The following TNRC6A variants were observed in gnomAD, a reference collection of about 807,000 sequenced individuals.
The protein encoded by TNRC6A is trinucleotide repeat containing adaptor 6A.
In TNRC6A, 44 loss-of-function variants were observed where a neutral mutation model predicts 221.2. That is an observed-to-expected ratio of 0.20 (90% confidence interval 0.16 to 0.26). The LOEUF is 0.26. TNRC6A is among the 10% of genes least tolerant of loss of function. TNRC6A has a pLI of 1.00. For synonymous variants in TNRC6A, 847 were observed against 838.5 expected, an observed-to-expected ratio of 1.01 and a Z score of -0.18; for missense variants, 2,199 against 2,404.4, an observed-to-expected ratio of 0.91 and a Z score of 1.79.
intron 1 of TNRC6A, among the ~76,000 whole-genome samples, chr16:24,635,471 C>T (rs1290639184): frequency 6.6e-6 from 1 of 151,944 alleles, no homozygotes; most frequent in Non-Finnish European, 1.5e-5. Context: ...TTAGTACAGA[C>T]AGGGTTTCAC....
intron 2 of TNRC6A, among the ~76,000 whole-genome samples, chr16:24,747,514 T>C (rs539856052): frequency 6.6e-6 from 1 of 152,322 alleles, no homozygotes; most frequent in East Asian, 1.9e-4. Flanking sequence ...ACTTAGGCCT[T>C]TCAAATCCAT....
chr16:24,707,821 G>A (rs1177453064), intron 2 of TNRC6A, among the ~76,000 whole-genome samples: 2 of 152,208 alleles, frequency 1.3e-5, no homozygotes, highest in Non-Finnish European at 2.9e-5. Context: ...CACTCTGGGA[G>A]GCCAAGGTGG....
chr16:24,659,378 G>T (rs763721031), intron 2 of TNRC6A, among the ~76,000 whole-genome samples: 1 of 151,960 alleles, frequency 6.6e-6, no homozygotes, highest in Non-Finnish European at 1.5e-5. Context: ...TCTTTGATCT[G>T]TCTGTCTCTG....
rs114570256 is a variant in TNRC6A, at chr16:24,711,831, C to T, written n.403-38895C>T. 4.1e-3 allele frequency among the ~76,000 whole-genome samples: 620 copies of T among 151,576 alleles called. 6 individuals are homozygous for T. Among genetic ancestry groups the T allele is most frequent in the African/African-American group, 0.014 (589 of 41,352 alleles). ...ATACTTTTTATTTATTTTATTTTAT[C>T]ATTTTTAAAAATAGAGATGGAATCA... On this transcript the variant is annotated intron_variant and non_coding_transcript_variant, in intron 2 of 2. Coordinates refer to the TNRC6A transcript ENST00000566108.
chr16:24,763,284 C>G (rs887401624), intron 4 of TNRC6A, among the ~76,000 whole-genome samples: 16 of 152,166 alleles, frequency 1.1e-4, no homozygotes, highest in African/African-American at 3.6e-4. Flanking sequence ...AAAAAAGAAC[C>G]CTTCATTTCA....
chr16:24,697,165 C>T (rs747350458), intron 2 of TNRC6A, among the ~76,000 whole-genome samples: 3 of 152,152 alleles, frequency 2.0e-5, no homozygotes, highest in Non-Finnish European at 4.4e-5. Context: ...ATTGTATACA[C>T]ATATTGAAAT....
intron 2 of TNRC6A, among the ~76,000 whole-genome samples, chr16:24,747,917 A>C (rs1478412949): frequency 6.6e-6 from 1 of 152,222 alleles, no homozygotes; most frequent in Admixed American, 6.5e-5. Flanking sequence ...CATTACATGG[A>C]GTAAAATTAT....
Position 24,790,989 on chromosome 16 carries a change from T to TGGG in TNRC6A, c.2349_2351dup (p.Gly784dup). ...TAATGATACCTCATCTGTATCAGGG[T>TGGG]GGGGCGATCCCAAACCTGCTCTGAG... On this transcript the variant is annotated inframe_insertion, in exon 6 of 25. Transcript: ENST00000395799. 1 of 1,599,430 alleles carries TGGG rather than the reference T, an allele frequency of 6.3e-7. No homozygotes were observed. The highest frequency in any genetic ancestry group is 8.5e-7 in the Non-Finnish European group (1 of 1,172,780).
chr16:24,796,029 T>C, intron 9 of TNRC6A, 90 bp downstream of exon 9: 1 of 1,413,562 alleles, frequency 7.1e-7, no homozygotes, highest in South Asian at 1.2e-5. Flanking sequence ...CTCTGCTGTG[T>C]GCCAGGTACT....
chr16:24,684,315 G>A (rs2055586240), intron 2 of TNRC6A, among the ~76,000 whole-genome samples: 1 of 152,172 alleles, frequency 6.6e-6, no homozygotes, highest in Non-Finnish European at 1.5e-5. Context: ...TGAGGTGGGA[G>A]GATCACTTGG....
At chr16:24,743,142 A>G (rs1392132427) in intron 2 of TNRC6A, among the ~76,000 whole-genome samples, 2 of 152,068 alleles carry the variant, frequency 1.3e-5, no homozygotes, top group East Asian at 1.9e-4. Flanking sequence ...CTGATCCTCA[A>G]TCTCTTTAAC....
At chr16:24,730,207 G>T in intron 1 of TNRC6A, 46 bp from the exon 2 acceptor site, 19 of 1,532,828 alleles carry the variant, frequency 1.2e-5, no homozygotes, top group Non-Finnish European at 1.7e-5. Flanking sequence ...TCTCGTTTTT[G>T]TGTGTGTGTT....
At chr16:24,814,841 A>G (rs1265746315) in intron 18 of TNRC6A, among the ~76,000 whole-genome samples, 1 of 152,064 alleles carries the variant, frequency 6.6e-6, no homozygotes, top group Admixed American at 6.5e-5. Flanking sequence ...CCTGAAAAGA[A>G]CCCCTGAGCT....
chr16:24,803,080 A>C (rs1255202842), intron 11 of TNRC6A, among the ~76,000 whole-genome samples: 3 of 152,148 alleles, frequency 2.0e-5, no homozygotes. Flanking sequence ...TCATCTGCTA[A>C]AAGGGCGATA....
chr16:24,765,006 G>A (rs924210603), intron 4 of TNRC6A, among the ~76,000 whole-genome samples: 1 of 152,104 alleles, frequency 6.6e-6, no homozygotes, highest in East Asian at 1.9e-4. Context: ...TTATTGTACT[G>A]TTCTCGCCTA....
chr16:24,622,606 A>G (rs556175588), intron 1 of TNRC6A, among the ~76,000 whole-genome samples: 3 of 152,298 alleles, frequency 2.0e-5, no homozygotes, highest in Admixed American at 6.5e-5. Context: ...AGAAGAAAAA[A>G]TCATCATAAT....
intron 2 of TNRC6A, among the ~76,000 whole-genome samples, chr16:24,741,143 C>G (rs1168209776): frequency 6.6e-6 from 1 of 152,160 alleles, no homozygotes; most frequent in African/African-American, 2.4e-5. Flanking sequence ...CATGCTTACT[C>G]ACACACGCAC....
At chr16:24,817,088 C>A in intron 20 of TNRC6A, 132 bp downstream of exon 20, 1 of 813,522 alleles carries the variant, frequency 1.2e-6, no homozygotes, top group South Asian at 3.6e-5. Context: ...GAGCTTGAGG[C>A]AAGCCTGGGC....
At chr16:24,751,998 G>C (rs2216659) in intron 3 of TNRC6A, among the ~76,000 whole-genome samples, 8,974 of 152,178 alleles carry the variant, frequency 0.059, 728 homozygotes, top group East Asian at 0.36. Context: ...GTTTTGCTTG[G>C]GGGAAAGGGA....
Sources: allele counts gnomAD v4.1 joint callset (sites outside exome capture counted in the v4.1 genomes callset), GRCh38; gene constraint gnomAD v4.1.1; transcripts MANE v1.5; gene names NCBI Gene and HGNC (gene_info 2026-07-23, HGNC 2026-07-21).